EP300: variants seen among roughly 807,000 people sequenced by gnomAD.
EP300 encodes the protein histone acetyltransferase p300.
EP300 carries 31 observed loss-of-function variants against 264.0 expected under a neutral mutation model. That is an observed-to-expected ratio of 0.12 (90% CI 0.09 to 0.16). The LOEUF (loss-of-function observed/expected upper bound fraction) is 0.16, where lower values mean the gene tolerates loss of function less well. Among genes scored for constraint, EP300 ranks in the 10% least tolerant of loss-of-function variants. EP300 has a pLI of 1.00. For synonymous variants in EP300, 1,340 were observed against 1,045.4 expected, an observed-to-expected ratio of 1.28 and a Z score of -5.44; for missense variants, 2,766 against 3,052.9, an observed-to-expected ratio of 0.91 and a Z score of 2.21.
chr22:41,154,887 A>G lies in EP300; in HGVS notation c.3143-108A>G, dbSNP rs878970612. 13 of 789,922 alleles carry G rather than the reference A, an allele frequency of 1.6e-5. No individual in the cohort carries two copies. In the South Asian group the frequency reaches 1.8e-4, roughly 11 times the overall value. 48.9% of individuals were successfully genotyped at this position (789,922 alleles called of 1,614,324 possible). ...TATTTCCATGGGGACAGAGTGGTTA[A>G]TTTTGTTATTGATTCTTGAGATGCT... On this transcript the variant is annotated intron_variant, in intron 16 of 30. Coordinates refer to ENST00000263253, the MANE Select transcript of EP300 (RefSeq NM_001429.4).
In EP300 at chr22:41,177,298, C is replaced by A. The variant is rs1297677732; in HGVS notation, c.5587C>A (p.Pro1863Thr). The A allele has an allele frequency of 6.2e-7, 1 of 1,614,112 alleles. No individual in the cohort carries two copies. Among genetic ancestry groups the A allele is most frequent in the Non-Finnish European group, 8.5e-7 (1 of 1,180,026 alleles). Residue 1863 changes from proline to threonine, a missense_variant, in exon 31 of 31, where the codon CCA becomes ACA. By Grantham distance (38) the Pro-to-Thr change is conservative. Coordinates refer to ENST00000263253, the MANE Select transcript of EP300 (RefSeq NM_001429.4). ...ATPTTPTGQQ[P>T]TTPQTPQPTS... is the part of the protein sequence containing the mutation. ...TCCAACGACACCAACTGGCCAACAGCCAACCACCCCGCAGACGCCCCAGCC... is the reference window on the plus strand; with the variant it reads ...TCCAACGACACCAACTGGCCAACAGACAACCACCCCGCAGACGCCCCAGCC...
At chr22:41,168,889 T>G in intron 25 of EP300, 22 bp downstream of exon 25, 1 of 1,614,208 alleles carries the variant, frequency 6.2e-7, no homozygotes, top group South Asian at 1.1e-5. Flanking sequence ...TCACAGTGGC[T>G]AGCTCCGGAT....
chr22:41,177,851 C>G lies in EP300; in HGVS notation c.6140C>G (p.Ser2047Cys). The part of the protein sequence containing the change: ...GISPLKPGTV[S>C]QQALQNLLRT... ...AGCCCACTCAAACCAGGCACTGTGTCTCAACAAGCCTTACAAAACCTTTTG... is the reference window on the plus strand; with the variant it reads ...AGCCCACTCAAACCAGGCACTGTGTGTCAACAAGCCTTACAAAACCTTTTG... The change falls in exon 31 of 31, where the codon TCT (serine) becomes TGT (cysteine). Residue 2047 changes from serine (S) to cysteine (C), a missense_variant. Ser to Cys is a moderately radical substitution (Grantham distance 112). Transcript: ENST00000263253. 1.2e-6 allele frequency: 2 copies of G among 1,614,200 alleles called. No homozygotes were observed. Among genetic ancestry groups the G allele is most frequent in the Non-Finnish European group, 1.7e-6 (2 of 1,180,036 alleles).
At chr22:41,103,705 TG>T (rs2058743705) in intron 1 of EP300, among the ~76,000 whole-genome samples, 1 of 152,104 alleles carries the variant, frequency 6.6e-6, no homozygotes, top group Admixed American at 6.5e-5. Context: ...GAAAGGATGT[TG>T]GGGTTCTATT....
At chr22:41,154,963 A>T (rs1478300121) in intron 16 of EP300, 32 bp from the exon 17 acceptor site, 1 of 1,395,358 alleles carries the variant, frequency 7.2e-7, no homozygotes, top group Non-Finnish European at 1.0e-6. Context: ...CTTAATTGGT[A>T]ACTAATTTCA....
At chr22:41,131,188 C>T (rs1202791641) in intron 5 of EP300, among the ~76,000 whole-genome samples, 200 bp from the exon 6 acceptor site, 1 of 152,094 alleles carries the variant, frequency 6.6e-6, no homozygotes, top group Non-Finnish European at 1.5e-5. Context: ...GAATCAAAAG[C>T]CTTTTATACC....
At chr22:41,111,102 A>G (rs111527198) in intron 1 of EP300, among the ~76,000 whole-genome samples, 1,997 of 151,822 alleles carry the variant, frequency 0.013, 24 homozygotes, top group Non-Finnish European at 0.02. Context: ...AGTAGCTGGG[A>G]CTACAGGCAT....
intron 2 of EP300, among the ~76,000 whole-genome samples, chr22:41,119,907 C>T (rs1387261655): frequency 4.6e-5 from 7 of 152,100 alleles, no homozygotes; most frequent in African/African-American, 9.7e-5. Flanking sequence ...CTCTGCCTCC[C>T]GGGTTCAGGC....
At chr22:41,137,439 G>A (rs1360914533) in intron 7 of EP300, among the ~76,000 whole-genome samples, 1 of 150,708 alleles carries the variant, frequency 6.6e-6, no homozygotes, top group Non-Finnish European at 1.5e-5. Flanking sequence ...ACATCATCCT[G>A]CCCTCCAAAG....
rs2145722751 is a variant in EP300 at position 41,137,715 on chromosome 22, C to A, written c.1685C>A (p.Pro562Gln). Reference sequence around the variant, plus strand: ...GGTCCTATGCCAACAGCAGCTCAACCATCCACTACTGGAATTCGGAAACAG... The same window carrying A: ...GGTCCTATGCCAACAGCAGCTCAACAATCCACTACTGGAATTCGGAAACAG... ...SLGPMPTAAQ[P>Q]STTGIRKQWH... The change falls in exon 8 of 31, where the codon CCA becomes CAA. Residue 562 changes from proline to glutamine, a missense_variant. Transcript: ENST00000263253. 6.2e-7 allele frequency: 1 copy of A among 1,614,182 alleles called. No homozygotes were observed. Among genetic ancestry groups the A allele is most frequent in the Non-Finnish European group, 8.5e-7 (1 of 1,180,046 alleles).
intron 1 of EP300, among the ~76,000 whole-genome samples, chr22:41,094,729 G>GTA (rs1168791590): frequency 6.6e-6 from 1 of 152,118 alleles, no homozygotes; most frequent in Non-Finnish European, 1.5e-5. Flanking sequence ...GTGTAATGTG[G>GTA]TAGTTTTTGC....
chr22:41,119,206 G>A (rs55954124), intron 2 of EP300, among the ~76,000 whole-genome samples: 1 of 104,210 alleles, frequency 9.6e-6, no homozygotes, highest in Non-Finnish European at 2.0e-5. Context: ...TTTTTTAAGA[G>A]ATGGGGTCTC....
chr22:41,157,053 A>T, intron 17 of EP300, 116 bp from the exon 18 acceptor site: 1 of 1,287,666 alleles, frequency 7.8e-7, no homozygotes, highest in Non-Finnish European at 1.1e-6. Flanking sequence ...TGGGGAATAT[A>T]GACAGGCCAG....
chr22:41,094,985 T>C (rs546855957), intron 1 of EP300, among the ~76,000 whole-genome samples: 1 of 152,222 alleles, frequency 6.6e-6, no homozygotes, highest in South Asian at 2.1e-4. Context: ...GCTTTTATAG[T>C]TTAAAAAAAA....
chr22:41,120,028 C>T (rs1427634710), intron 2 of EP300, among the ~76,000 whole-genome samples: 3 of 151,950 alleles, frequency 2.0e-5, no homozygotes, highest in Non-Finnish European at 4.4e-5. Context: ...TGCCCAGGCT[C>T]GTTGTGAACT....
chr22:41,124,855 C>T (rs990832374), intron 2 of EP300, among the ~76,000 whole-genome samples: 1 of 152,142 alleles, frequency 6.6e-6, no homozygotes, highest in African/African-American at 2.4e-5. Flanking sequence ...TGTACATTTA[C>T]CATACCCAAG....
intron 13 of EP300, among the ~76,000 whole-genome samples, chr22:41,149,450 A>G (rs1210380152): frequency 6.6e-6 from 1 of 152,192 alleles, no homozygotes; most frequent in East Asian, 1.9e-4. Context: ...ATTAAACACA[A>G]TGTAGAAGGA....
At chr22:41,099,187 C>T (rs914323801) in intron 1 of EP300, among the ~76,000 whole-genome samples, 11 of 152,072 alleles carry the variant, frequency 7.2e-5, no homozygotes, top group African/African-American at 2.4e-4. Context: ...GCTCAGCCTC[C>T]GGAGTAGCTA....
intron 1 of EP300, among the ~76,000 whole-genome samples, chr22:41,110,052 G>C (rs2058780309): frequency 6.7e-6 from 1 of 150,146 alleles, no homozygotes; most frequent in Non-Finnish European, 1.5e-5. Context: ...CAGGTGATCT[G>C]CTCGCCTCGG....
Sources: allele counts gnomAD v4.1 joint callset (sites outside exome capture counted in the v4.1 genomes callset), GRCh38; gene constraint gnomAD v4.1.1; transcripts MANE v1.5; gene names NCBI Gene and HGNC (gene_info 2026-07-23, HGNC 2026-07-21).